Variants in DIAPH3 observed in about 807,000 individuals in gnomAD.
DIAPH3 encodes the protein diaphanous related formin 3, also known as protein diaphanous homolog 3.
DIAPH3 carries 117 observed loss-of-function variants against 144.3 expected under a neutral mutation model. That is an observed-to-expected ratio of 0.81 (90% CI 0.70 to 0.95). The LOEUF is 0.95. Ranked by LOEUF, DIAPH3 falls within the 40% of genes least tolerant of loss-of-function variation. The pLI is 0.00. For missense variants in DIAPH3, 1,421 were observed against 1,412.7 expected (o/e 1.01, Z -0.09); for synonymous variants, 519 against 488.9 (o/e 1.06, Z -0.81).
chr13:59,944,504 T>C (rs747005603), intron 17 of DIAPH3, among the ~76,000 whole-genome samples: 1 of 152,110 alleles, frequency 6.6e-6, no homozygotes, highest in Non-Finnish European at 1.5e-5. Flanking sequence ...ATCCAAAAGC[T>C]TTAGGCATTT....
chr13:59,682,238 G>A (rs1007654601), intron 27 of DIAPH3, among the ~76,000 whole-genome samples: 5 of 152,154 alleles, frequency 3.3e-5, no homozygotes, highest in African/African-American at 9.7e-5. Context: ...CAATTTGTAC[G>A]AAGGGTCCAG....
At chr13:59,949,223 T>G (rs1295158518) in intron 17 of DIAPH3, among the ~76,000 whole-genome samples, 3 of 152,178 alleles carry the variant, frequency 2.0e-5, no homozygotes, top group Non-Finnish European at 4.4e-5. Flanking sequence ...AAAGTTCAAT[T>G]TGATTAAATG....
At chr13:59,829,131 A>C (rs2041633419) in intron 24 of DIAPH3, among the ~76,000 whole-genome samples, 1 of 151,970 alleles carries the variant, frequency 6.6e-6, no homozygotes, top group Non-Finnish European at 1.5e-5. Context: ...TTCTAGAAAC[A>C]CTGAGGAGAG....
chr13:60,105,099 C>CAAAAAAAAAAAACAAAAAAAAAAAAA (rs530311392), intron 3 of DIAPH3, among the ~76,000 whole-genome samples: 1 of 41,826 alleles, frequency 2.4e-5, no homozygotes, highest in Admixed American at 2.9e-4. Flanking sequence ...GACACGATCT[C>CAAAAAAAAAAAACAAAAAAAAAAAAA]AAAAAAAAAA....
intron 11 of DIAPH3, 66 bp downstream of exon 11, chr13:59,992,002 C>T: frequency 5.6e-6 from 7 of 1,247,422 alleles, no homozygotes; most frequent in Admixed American, 1.7e-5. Flanking sequence ...ATATTTGTGG[C>T]TGAGTATTTT....
rs73544317 is a variant in DIAPH3, at chr13:59,720,593, G to A, written c.3319+53596C>T. 5.2e-3 allele frequency among the ~76,000 whole-genome samples: 789 copies of A among 152,226 alleles called. 10 individuals carry two copies. Among genetic ancestry groups the A allele is most frequent in the African/African-American group, 0.018 (745 of 41,546 alleles). On this transcript the variant is annotated intron_variant, in intron 27 of 27. Coordinates refer to ENST00000400324, the MANE Select transcript of DIAPH3 (RefSeq NM_001042517.2). ...AACTAGAACATCCAGTCAGTATTCT[G>A]CATGTGGCTGGTGCTTGTAAATGAT... is the stretch of plus-strand genomic sequence containing the variant.
chr13:60,096,542 A>G (rs1203857568), intron 3 of DIAPH3, among the ~76,000 whole-genome samples: 1 of 152,220 alleles, frequency 6.6e-6, no homozygotes, highest in African/African-American at 2.4e-5. Context: ...GTAAAGCATT[A>G]TCTCTAGGTA....
At chr13:59,721,543 C>T (rs1047154159) in intron 27 of DIAPH3, among the ~76,000 whole-genome samples, 5 of 151,956 alleles carry the variant, frequency 3.3e-5, no homozygotes, top group African/African-American at 9.7e-5. Flanking sequence ...GGTGAATTGA[C>T]GGTGTGAGTT....
intron 4 of DIAPH3, among the ~76,000 whole-genome samples, chr13:60,061,411 A>G (rs917960972): frequency 3.3e-5 from 5 of 152,138 alleles, no homozygotes; most frequent in African/African-American, 1.2e-4. Flanking sequence ...TGTTAGAAAT[A>G]CATTCAAGCA....
At position 59,665,951 on chromosome 13, in the gene DIAPH3, A is replaced by G. The variant is rs548911082; in HGVS notation, c.*633T>C. On this transcript the variant is annotated 3_prime_UTR_variant, in exon 28 of 28. Transcript: ENST00000400324. ...AAGAGAGTGCATACATTCTTATTGC[A>G]TCATTTTTCGTTATGTGCTCAATTG... is the stretch of plus-strand genomic sequence containing the variant. 1.2e-3 allele frequency: 176 copies of G among 152,380 alleles called. No homozygotes were observed. Among genetic ancestry groups the G allele is most frequent in the African/African-American group, 4.1e-3 (172 of 41,580 alleles). 9.4% of individuals were successfully genotyped at this position (152,380 alleles called of 1,614,324 possible).
At chr13:59,796,636 A>T (rs1279143453) in intron 25 of DIAPH3, among the ~76,000 whole-genome samples, 1 of 152,176 alleles carries the variant, frequency 6.6e-6, no homozygotes, top group African/African-American at 2.4e-5. Context: ...CCCTAACTTC[A>T]CCATATCAGT....
At chr13:60,074,096 G>A (rs1352848454) in intron 4 of DIAPH3, among the ~76,000 whole-genome samples, 1 of 152,148 alleles carries the variant, frequency 6.6e-6, no homozygotes, top group Non-Finnish European at 1.5e-5. Context: ...CAGTGCTTAG[G>A]TTGCCTGCTA....
chr13:60,073,239 G>A (rs1263932432), intron 4 of DIAPH3, among the ~76,000 whole-genome samples: 1 of 151,976 alleles, frequency 6.6e-6, no homozygotes, highest in African/African-American at 2.4e-5. Context: ...AACCCAGCAG[G>A]TGGAGGTTGC....
intron 22 of DIAPH3, among the ~76,000 whole-genome samples, chr13:59,860,979 C>G (rs1355324120): frequency 1.3e-5 from 2 of 151,982 alleles, no homozygotes; most frequent in African/African-American, 4.8e-5. Context: ...AGAGCACCAA[C>G]AAGTTGGGCA....
At chr13:59,682,453 C>A (rs2032995949) in intron 27 of DIAPH3, among the ~76,000 whole-genome samples, 1 of 152,106 alleles carries the variant, frequency 6.6e-6, no homozygotes, top group Non-Finnish European at 1.5e-5. Flanking sequence ...TCCTGAGTAG[C>A]TGGGATTACA....
At position 60,010,495 on chromosome 13, in the gene DIAPH3, T is replaced by C. The variant is rs946327025; in HGVS notation, c.908+38A>G. 1.1e-5 allele frequency: 16 copies of C among 1,522,958 alleles called. No homozygotes were observed. The African/African-American group carries it at 1.7e-4, about 16-fold the overall frequency. 94.3% of individuals were successfully genotyped at this position (1,522,958 alleles called of 1,614,324 possible). A position where few individuals can be genotyped will look rare whatever the true frequency, so the allele number is the denominator to read the frequency against. On this transcript the variant is annotated intron_variant, in intron 8 of 27. Coordinates refer to ENST00000400324, the MANE Select transcript of DIAPH3 (RefSeq NM_001042517.2). Reference sequence around the variant, plus strand: ...ATTAAATGAATCAATCTGTATTAAATTATTATATAATTAGGGGAATATGTT... The same window carrying C: ...ATTAAATGAATCAATCTGTATTAAACTATTATATAATTAGGGGAATATGTT...
At chr13:59,812,276 C>G (rs978097298) in intron 24 of DIAPH3, among the ~76,000 whole-genome samples, 8 of 151,580 alleles carry the variant, frequency 5.3e-5, no homozygotes, top group Admixed American at 1.3e-4. Flanking sequence ...ATCCATCCAT[C>G]CATCCATCCA....
At chr13:59,701,644 G>A (rs889968552) in intron 27 of DIAPH3, among the ~76,000 whole-genome samples, 2 of 152,164 alleles carry the variant, frequency 1.3e-5, no homozygotes, top group Admixed American at 6.5e-5. Context: ...TCCTATTGTG[G>A]GGGTTATGAG....
At chr13:60,074,577 A>G (rs1458776548) in intron 4 of DIAPH3, among the ~76,000 whole-genome samples, 1 of 152,204 alleles carries the variant, frequency 6.6e-6, no homozygotes, top group East Asian at 1.9e-4. Context: ...TTTTAAGTAC[A>G]CAAGGAAATG....
Sources: gnomAD v4.1 joint callset for allele counts (sites outside exome capture counted in the v4.1 genomes callset) on GRCh38, gnomAD v4.1.1 for gene constraint, MANE v1.5 for transcripts, NCBI Gene and HGNC (gene_info 2026-07-23, HGNC 2026-07-21) for gene names.